ZFX: variants seen among roughly 807,000 people sequenced by gnomAD.
ZFX encodes zinc finger protein X-linked.
For missense variants in ZFX, 362 were observed against 628.3 expected, an observed-to-expected ratio of 0.58 and a Z score of 4.53; for synonymous variants, 196 against 226.8, an observed-to-expected ratio of 0.86 and a Z score of 1.22.
intron 5 of ZFX, among the ~76,000 whole-genome samples, chrX:24,206,279 T>C (rs976356520): frequency 1.8e-5 from 2 of 112,446 alleles, no homozygotes; most frequent in Admixed American, 9.5e-5. Context: ...TCAAGTGATA[T>C]TCAAGAATAG....
chrX:24,214,177 T>A lies in ZFX; in HGVS notation c.*2801T>A. 8.9e-6 allele frequency: 1 copy of A among 112,113 alleles called. No individual in the cohort carries two copies. Among genetic ancestry groups the A allele is most frequent in the Non-Finnish European group, 1.9e-5 (1 of 53,086 alleles). 9.2% of individuals were successfully genotyped at this position (112,113 alleles called of 1,213,427 possible). On this transcript the variant is annotated 3_prime_UTR_variant, in exon 10 of 10. Transcript: ENST00000304543. Reference sequence around the variant, plus strand: ...TTTGATTAGCAAAGCTAAAAAAAAATGGATGTTTCAGTTAAATGTTTTAAA... The same window carrying A: ...TTTGATTAGCAAAGCTAAAAAAAAAAGGATGTTTCAGTTAAATGTTTTAAA...
intron 3 of ZFX, among the ~76,000 whole-genome samples, chrX:24,163,508 G>A (rs1320043332): frequency 9.7e-5 from 10 of 102,600 alleles, no homozygotes; most frequent in Non-Finnish European, 1.8e-4. Flanking sequence ...CTCCTGAGTA[G>A]CTGGGACTAC....
intron 3 of ZFX, among the ~76,000 whole-genome samples, chrX:24,160,844 C>T (rs971067978): frequency 1.8e-5 from 2 of 111,616 alleles, no homozygotes; most frequent in African/African-American, 6.5e-5. Context: ...TATCTGTTAA[C>T]CAAACTGTCC....
intron 3 of ZFX, among the ~76,000 whole-genome samples, chrX:24,166,682 G>A (rs190183719): frequency 9.0e-6 from 1 of 111,014 alleles, no homozygotes; most frequent in East Asian, 2.8e-4. Context: ...ACATAAAAAT[G>A]CATAATGACT....
chrX:24,148,985 AAGT>A (rs1166713003), upstream of ZFX: 2 of 111,476 alleles, frequency 1.8e-5, no homozygotes, highest in Admixed American at 9.5e-5. Context: ...TATTTTTAAA[AAGT>A]AGACGGCCTG....
At chrX:24,188,086 C>T (rs1256194116) in intron 5 of ZFX, among the ~76,000 whole-genome samples, 1 of 109,515 alleles carries the variant, frequency 9.1e-6, no homozygotes, top group Non-Finnish European at 1.9e-5. Flanking sequence ...TCAGGAGAAT[C>T]GTTCGAATAC....
In ZFX at chrX:24,185,980, T is replaced by C. The variant is rs975955132; in HGVS notation, c.646+6210T>C. Among the ~76,000 whole-genome samples, 16 of 110,258 alleles carry C rather than the reference T, an allele frequency of 1.5e-4. 1 individual carries two copies. Among genetic ancestry groups the C allele is most frequent in the Non-Finnish European group, 1.9e-5 (1 of 52,775 alleles). ...CCAAAACCCCCCTAAAACACCTATATTGATTTCAGAAGTTAAGGATTAACA... is the reference window on the plus strand; with the variant it reads ...CCAAAACCCCCCTAAAACACCTATACTGATTTCAGAAGTTAAGGATTAACA... On this transcript the variant is annotated intron_variant, in intron 5 of 9. Coordinates refer to ENST00000304543, the MANE Select transcript of ZFX (RefSeq NM_003410.4).
At chrX:24,173,161 T>C (rs978443236) in intron 4 of ZFX, among the ~76,000 whole-genome samples, 2 of 112,315 alleles carry the variant, frequency 1.8e-5, no homozygotes, top group Non-Finnish European at 3.8e-5. Flanking sequence ...AAATATTCTT[T>C]ATTTACATCT....
chrX:24,153,534 C>T (rs1180177580), intron 3 of ZFX, among the ~76,000 whole-genome samples: 1 of 111,462 alleles, frequency 9.0e-6, no homozygotes, highest in Non-Finnish European at 1.9e-5. Flanking sequence ...AAAAGCCTCA[C>T]CTGTCTTCAC....
chrX:24,195,100 C>T (rs537490535), intron 5 of ZFX, among the ~76,000 whole-genome samples: 224 of 111,824 alleles, frequency 2.0e-3, no homozygotes, highest in African/African-American at 6.9e-3. Context: ...TCACAATTTC[C>T]GAGAACCTAC....
Position 24,176,430 on chromosome X carries a change from A to ATTT in ZFX, c.59-2733_59-2731dup, listed in dbSNP as rs56241839. ...AATTTCTAATATTCTTTGGCCTTTG[A>ATTT]TTTTTTTTTTTTTTTTTTTTTTGAG... On this transcript the variant is annotated intron_variant, in intron 4 of 9. Coordinates refer to ENST00000304543, the MANE Select transcript of ZFX (RefSeq NM_003410.4). Among the ~76,000 whole-genome samples, 471 of 66,751 alleles carry ATTT rather than the reference A, an allele frequency of 7.1e-3. 3 individuals carry two copies. Among genetic ancestry groups the ATTT allele is most frequent in the East Asian group, 0.011 (23 of 2,009 alleles). The allele number at this position is 66,751 out of a possible 115,157, so 58.0% of individuals were successfully genotyped here.
intron 9 of ZFX, among the ~76,000 whole-genome samples, chrX:24,209,940 A>G (rs1937948786): frequency 8.9e-6 from 1 of 112,212 alleles, no homozygotes; most frequent in Admixed American, 9.5e-5. Flanking sequence ...AAAGTTACAT[A>G]TTCATTAATT....
chrX:24,182,874 T>C (rs2704834), intron 5 of ZFX, among the ~76,000 whole-genome samples: 50,717 of 109,836 alleles, frequency 0.46, 8,511 homozygotes, highest in South Asian at 0.79. Flanking sequence ...CTGCAGGAGA[T>C]GGCTGTTAGG....
intron 5 of ZFX, among the ~76,000 whole-genome samples, chrX:24,194,294 C>T (rs1936746909): frequency 8.9e-6 from 1 of 111,760 alleles, no homozygotes; most frequent in Non-Finnish European, 1.9e-5. Context: ...ACCAAAGCAA[C>T]TGTAGCAGGT....
At chrX:24,207,917 T>C in intron 7 of ZFX, 62 bp downstream of exon 7, 1 of 1,130,688 alleles carries the variant, frequency 8.8e-7, no homozygotes. Flanking sequence ...AAGTGGCCAG[T>C]GTTTGAAATA....
At chrX:24,189,456 A>G (rs1936388388) in intron 5 of ZFX, among the ~76,000 whole-genome samples, 1 of 112,009 alleles carries the variant, frequency 8.9e-6, no homozygotes, top group Non-Finnish European at 1.9e-5. Flanking sequence ...TTAGCTCCTA[A>G]TTAAGCATGA....
At chrX:24,183,135 G>GCA (rs1166138921) in intron 5 of ZFX, among the ~76,000 whole-genome samples, 23 of 112,159 alleles carry the variant, frequency 2.1e-4, no homozygotes, top group African/African-American at 7.4e-4. Context: ...GAATTTATGA[G>GCA]ATAGATTGCT....
At chrX:24,207,975 C>T (rs988098709) in intron 7 of ZFX, 120 bp downstream of exon 7, 2 of 956,118 alleles carry the variant, frequency 2.1e-6, no homozygotes, top group African/African-American at 3.9e-5. Flanking sequence ...CCAAGGGAAA[C>T]ATCTTTGACT....
At chrX:24,186,291 C>T (rs1386186111) in intron 5 of ZFX, among the ~76,000 whole-genome samples, 1 of 111,079 alleles carries the variant, frequency 9.0e-6, no homozygotes, top group Non-Finnish European at 1.9e-5. Context: ...TCCATCTTGG[C>T]AGGTTTCTTC....
Sources: allele counts gnomAD v4.1 joint callset (sites outside exome capture counted in the v4.1 genomes callset), GRCh38; gene constraint gnomAD v4.1.1; transcripts MANE v1.5; gene names NCBI Gene and HGNC (gene_info 2026-07-23, HGNC 2026-07-21).